Variants in KIF13B observed in about 807,000 individuals in gnomAD.
The protein encoded by KIF13B is kinesin-like protein KIF13B.
KIF13B carries 127 observed loss-of-function variants against 222.0 expected under a neutral mutation model. The observed-to-expected ratio is 0.57, with a 90% CI of 0.50 to 0.66. The LOEUF is 0.66. Among genes scored for constraint, KIF13B ranks in the 30% least tolerant of loss-of-function variants. The pLI, the probability that KIF13B is intolerant of heterozygous loss-of-function variation, is 0.00. For synonymous variants in KIF13B, 976 were observed against 919.0 expected, an observed-to-expected ratio of 1.06 and a Z score of -1.12; for missense variants, 2,173 against 2,379.0, an observed-to-expected ratio of 0.91 and a Z score of 1.80.
chr8:29,088,888 A>G (rs551141665), intron 37 of KIF13B, among the ~76,000 whole-genome samples: 2 of 152,354 alleles, frequency 1.3e-5, no homozygotes, highest in African/African-American at 2.4e-5. Context: ...ATTCTAATTT[A>G]TTTCTCACAG....
At chr8:29,214,009 A>G (rs1015183163) in intron 2 of KIF13B, among the ~76,000 whole-genome samples, 5 of 152,190 alleles carry the variant, frequency 3.3e-5, no homozygotes, top group African/African-American at 1.2e-4. Context: ...ATACGATACA[A>G]AAGATTTTAA....
chr8:29,085,037 G>T (rs1419918836), intron 37 of KIF13B, among the ~76,000 whole-genome samples: 1 of 152,148 alleles, frequency 6.6e-6, no homozygotes, highest in Non-Finnish European at 1.5e-5. Flanking sequence ...CAAACCAAAA[G>T]ATCTTGTAAA....
At chr8:29,190,032 G>C (rs1813107770) in intron 4 of KIF13B, 1 of 152,222 alleles carries the variant, frequency 6.6e-6, no homozygotes, top group Non-Finnish European at 1.5e-5. Flanking sequence ...TTATAGAGAT[G>C]TAGGTTACCA....
intron 37 of KIF13B, among the ~76,000 whole-genome samples, chr8:29,082,065 G>A (rs1053499027): frequency 2.0e-5 from 3 of 152,078 alleles, no homozygotes; most frequent in African/African-American, 4.8e-5. Flanking sequence ...TTACTCATTC[G>A]CAAATATGTA....
chr8:29,188,506 T>C lies in KIF13B; in HGVS notation c.316+9A>G. On this transcript the variant is annotated intron_variant, in intron 5 of 39. Coordinates refer to ENST00000524189, the MANE Select transcript of KIF13B (RefSeq NM_015254.4). ...GTTGTTTATGTGATTTCATGTTATT[T>C]AACATTACCAGTCTGTCCATAGGCA... The C allele has an allele frequency of 6.6e-7, 1 of 1,519,564 alleles. No homozygotes were observed. Among genetic ancestry groups the C allele is most frequent in the Non-Finnish European group, 9.1e-7 (1 of 1,101,214 alleles). 94.1% of individuals were successfully genotyped at this position (1,519,564 alleles called of 1,614,324 possible). A position where few individuals can be genotyped will look rare whatever the true frequency, so the allele number is the denominator to read the frequency against.
At chr8:29,168,051 C>A (rs1187761553) in intron 10 of KIF13B, among the ~76,000 whole-genome samples, 1 of 152,180 alleles carries the variant, frequency 6.6e-6, no homozygotes, top group Admixed American at 6.5e-5. Flanking sequence ...CAGAAAGTTG[C>A]TGTTACAAGC....
intron 21 of KIF13B, among the ~76,000 whole-genome samples, chr8:29,136,296 C>T (rs897099792): frequency 4.6e-5 from 7 of 152,010 alleles, no homozygotes; most frequent in South Asian, 2.1e-4. Flanking sequence ...ATAAATATCT[C>T]GGCCAGGCGT....
intron 12 of KIF13B, among the ~76,000 whole-genome samples, chr8:29,161,341 C>T (rs1290668359): frequency 6.6e-6 from 1 of 152,188 alleles, no homozygotes; most frequent in African/African-American, 2.4e-5. Context: ...TCCCCTCTGG[C>T]TTCATGTCTT....
intron 2 of KIF13B, among the ~76,000 whole-genome samples, chr8:29,220,672 G>T (rs1327724736): frequency 6.6e-6 from 1 of 152,028 alleles, no homozygotes; most frequent in African/African-American, 2.4e-5. Flanking sequence ...GACAGAAAAA[G>T]ATACATACAA....
chr8:29,125,735 A>G (rs1810078208), intron 26 of KIF13B, among the ~76,000 whole-genome samples: 1 of 137,320 alleles, frequency 7.3e-6, no homozygotes, highest in South Asian at 2.3e-4. Flanking sequence ...AGGTTAGGAA[A>G]AGAAAACAAA....
At position 29,151,901 on chromosome 8, in the gene KIF13B, T is replaced by C. The variant is rs564165787; in HGVS notation, c.1536-1518A>G. On this transcript the variant is annotated intron_variant, in intron 14 of 39. Transcript: ENST00000524189. ...AGGCTATAGCTGCTATAGACAGTGA[T>C]TCTTCTAATGGATCTTGGCAAAGTA... 4.2e-5 allele frequency among the ~76,000 whole-genome samples: 6 copies of C among 141,228 alleles called. No individual in the cohort carries two copies. In the East Asian group the frequency reaches 1.2e-3, roughly 27 times the overall value. 92.7% of individuals were successfully genotyped at this position (141,228 alleles called of 152,430 possible). A position where few individuals can be genotyped will look rare whatever the true frequency, so the allele number is the denominator to read the frequency against.
At chr8:29,202,375 TG>T in intron 2 of KIF13B, among the ~76,000 whole-genome samples, 1 of 152,336 alleles carries the variant, frequency 6.6e-6, no homozygotes, top group Middle Eastern at 3.4e-3. Context: ...TAGAGTGCAG[TG>T]GCAAGATCTT....
chr8:29,142,760 A>G (rs1485561398), intron 18 of KIF13B, among the ~76,000 whole-genome samples: 1 of 152,010 alleles, frequency 6.6e-6, no homozygotes, highest in Non-Finnish European at 1.5e-5. Flanking sequence ...AATTGCTTGA[A>G]CCCAGGAGGC....
intron 2 of KIF13B, among the ~76,000 whole-genome samples, chr8:29,243,697 TCTC>T (rs1815887477): frequency 6.6e-6 from 1 of 151,998 alleles, no homozygotes; most frequent in Non-Finnish European, 1.5e-5. Context: ...AAAAACTACT[TCTC>T]CTGATGTAGT....
intron 12 of KIF13B, among the ~76,000 whole-genome samples, chr8:29,163,206 A>C (rs965448829): frequency 3.9e-5 from 6 of 152,232 alleles, no homozygotes; most frequent in Non-Finnish European, 1.5e-5. Flanking sequence ...CTGAGCATAC[A>C]ACACTAAAAG....
At chr8:29,187,788 T>A (rs966027981) in intron 5 of KIF13B, among the ~76,000 whole-genome samples, 1 of 152,218 alleles carries the variant, frequency 6.6e-6, no homozygotes, top group Non-Finnish European at 1.5e-5. Flanking sequence ...CCACATTTCC[T>A]AAGTACCAGG....
chr8:29,230,612 G>A (rs931932797), intron 2 of KIF13B, among the ~76,000 whole-genome samples: 8 of 152,156 alleles, frequency 5.3e-5, no homozygotes, highest in Non-Finnish European at 1.0e-4. Flanking sequence ...CCCAGGCAAG[G>A]AGGGAAGGGA....
chr8:29,156,442 G>A (rs891263343), intron 13 of KIF13B, among the ~76,000 whole-genome samples: 1 of 152,004 alleles, frequency 6.6e-6, no homozygotes, highest in Non-Finnish European at 1.5e-5. Flanking sequence ...CACCACCCTA[G>A]AGCTACATAC....
At chr8:29,167,279 G>T in intron 11 of KIF13B, 94 bp downstream of exon 11, 1 of 987,034 alleles carries the variant, frequency 1.0e-6, no homozygotes, top group Non-Finnish European at 1.6e-6. Flanking sequence ...TTTAAGTAGA[G>T]TACTCATCCC....
Sources: gnomAD v4.1 joint callset for allele counts (sites outside exome capture counted in the v4.1 genomes callset) on GRCh38, gnomAD v4.1.1 for gene constraint, MANE v1.5 for transcripts, NCBI Gene and HGNC (gene_info 2026-07-23, HGNC 2026-07-21) for gene names.